The following VMA12 variants were observed in gnomAD, a reference collection of about 807,000 sequenced individuals.
VMA12 encodes the protein vacuolar ATPase assembly protein VMA12.
chr17:28,360,352 C>G, the VMA12 span: 1 of 596,326 alleles, frequency 1.7e-6, no homozygotes, highest in South Asian at 1.9e-5. Context: ...AGCCTATGTC[C>G]TCTCTCCGAA....
the VMA12 span, chr17:28,360,188 G>A: frequency 4.9e-3 from 1,103 of 222,922 alleles, 16 homozygotes; most frequent in African/African-American, 0.024. Flanking sequence ...TGAACTCCCA[G>A]CCTCAAGGTG....
chr17:28,362,110 C>T, the VMA12 span: 1 of 151,958 alleles, frequency 6.6e-6, no homozygotes, highest in African/African-American at 2.4e-5. Context: ...ATAGCGATTT[C>T]CATAGTTCTA....
the VMA12 span, chr17:28,361,178 G>A: frequency 1.9e-5 from 31 of 1,613,938 alleles, no homozygotes; most frequent in Non-Finnish European, 2.3e-5. Flanking sequence ...TGCATTGATC[G>A]TCGCCTCTGT....
chr17:28,360,978 A>T, the VMA12 span: 1 of 917,358 alleles, frequency 1.1e-6, no homozygotes, highest in Non-Finnish European at 1.7e-6. Flanking sequence ...GGGGAGCATT[A>T]GAGCTTTCCA....
At chr17:28,357,766 C>T in the VMA12 span, 3 of 1,613,388 alleles carry the variant, frequency 1.9e-6, no homozygotes, top group Non-Finnish European at 2.5e-6. Flanking sequence ...AGCTGCGGGC[C>T]GAGCTTGAGG....
chr17:28,359,286 ATTC>A, the VMA12 span: 1 of 1,611,260 alleles, frequency 6.2e-7, no homozygotes, highest in South Asian at 1.1e-5. Context: ...TGGGAATATC[ATTC>A]TTCTCATTTG....
At chr17:28,360,407 A>G in the VMA12 span, 455 of 931,038 alleles carry the variant, frequency 4.9e-4, no homozygotes, top group Non-Finnish European at 7.2e-4. Context: ...GGTTCCAGAC[A>G]AAAGAATCCA....
chr17:28,360,996 C>T, the VMA12 span: 5 of 897,882 alleles, frequency 5.6e-6, no homozygotes, highest in South Asian at 3.1e-5. Context: ...CCAGCAGTCA[C>T]GGGAGGTTAG....
chr17:28,358,507 A>G, the VMA12 span: 4 of 474,050 alleles, frequency 8.4e-6, no homozygotes, highest in South Asian at 6.2e-5. Context: ...CCAGAAGTGC[A>G]AAGGGTAGAC....
At chr17:28,360,757 C>A in the VMA12 span, 1 of 1,614,042 alleles carries the variant, frequency 6.2e-7, no homozygotes, top group East Asian at 2.2e-5. Flanking sequence ...AGGCTCTGGT[C>A]ATCACCATCT....
the VMA12 span, chr17:28,357,691 G>A: frequency 3.7e-6 from 6 of 1,612,628 alleles, no homozygotes; most frequent in Admixed American, 3.3e-5. Flanking sequence ...CTTTGCTTGC[G>A]GGCGAGCGAT....
chr17:28,359,952 T>A, the VMA12 span, among the ~76,000 whole-genome samples: 7 of 152,094 alleles, frequency 4.6e-5, no homozygotes, highest in East Asian at 1.4e-3. Flanking sequence ...GGAATGAATC[T>A]TGGAGGCTTT....
the VMA12 span, chr17:28,358,988 G>A: frequency 8.6e-5 from 139 of 1,610,216 alleles, no homozygotes; most frequent in Non-Finnish European, 1.1e-4. Flanking sequence ...AAGCCTCCAC[G>A]GGTATGTAAG....
At chr17:28,360,387 G>A in the VMA12 span, 5 of 747,784 alleles carry the variant, frequency 6.7e-6, no homozygotes, top group Non-Finnish European at 1.1e-5. Context: ...GTCCAGAAAA[G>A]AGTCAAAATG....
the VMA12 span, chr17:28,359,600 T>G: frequency 6.2e-6 from 3 of 482,236 alleles, no homozygotes; most frequent in East Asian, 6.8e-5. Context: ...TGACCAAGTT[T>G]TAAACGTCAT....
chr17:28,359,364 A>G, the VMA12 span: 12 of 1,614,014 alleles, frequency 7.4e-6, no homozygotes, highest in African/African-American at 1.3e-5. Context: ...CAGCTGGCCA[A>G]TGAGGAATAT....
chr17:28,358,188 C>G, the VMA12 span: 2 of 439,812 alleles, frequency 4.5e-6, no homozygotes, highest in South Asian at 2.1e-5. Flanking sequence ...TTTGTCTCTT[C>G]TTTTTCTCCA....
chr17:28,362,432 C>G, the VMA12 span: 1 of 152,134 alleles, frequency 6.6e-6, no homozygotes, highest in Non-Finnish European at 1.5e-5. Context: ...GAGGCTGAGG[C>G]AGGCGGATCA....
the VMA12 span, chr17:28,358,948 G>A: frequency 1.2e-6 from 2 of 1,612,562 alleles, no homozygotes; most frequent in East Asian, 2.2e-5. Context: ...GCTCCTAGAA[G>A]GCAGTGAAAT....
Sources: gnomAD v4.1 joint callset for allele counts (sites outside exome capture counted in the v4.1 genomes callset) on GRCh38, gnomAD v4.1.1 for gene constraint, MANE v1.5 for transcripts, NCBI Gene and HGNC (gene_info 2026-07-23, HGNC 2026-07-21) for gene names.